The following GUCY1A2 variants were observed in gnomAD, a reference collection of about 807,000 sequenced individuals.
The protein encoded by GUCY1A2 is guanylate cyclase 1 soluble subunit alpha 2, also known as guanylate cyclase soluble subunit alpha-2.
In GUCY1A2, 27 loss-of-function variants were observed where a neutral mutation model predicts 63.5. The observed-to-expected ratio is 0.43, with a 90% CI of 0.31 to 0.59. The LOEUF is 0.59. Ranked by LOEUF, GUCY1A2 falls within the 20% of genes least tolerant of loss-of-function variation. The probability of loss-of-function intolerance (pLI) is 0.11; values close to 1 mark genes in which losing one functional copy is unlikely to be tolerated. For synonymous variants in GUCY1A2, 364 were observed against 343.5 expected, an observed-to-expected ratio of 1.06 and a Z score of -0.66; for missense variants, 768 against 913.3, an observed-to-expected ratio of 0.84 and a Z score of 2.05.
chr11:106,858,239 G>C (rs903573147), intron 4 of GUCY1A2, among the ~76,000 whole-genome samples: 8 of 152,150 alleles, frequency 5.3e-5, no homozygotes, highest in Non-Finnish European at 1.0e-4. Context: ...AATGTAGCTA[G>C]ATTGTTTACC....
At chr11:106,699,956 T>G (rs1357121263) in intron 7 of GUCY1A2, among the ~76,000 whole-genome samples, 1 of 152,084 alleles carries the variant, frequency 6.6e-6, no homozygotes. Flanking sequence ...TAATTTCTTT[T>G]GTATTTTTAG....
At chr11:106,717,246 AATG>A (rs1863232215) in intron 6 of GUCY1A2, among the ~76,000 whole-genome samples, 1 of 152,200 alleles carries the variant, frequency 6.6e-6, no homozygotes, top group African/African-American at 2.4e-5. Flanking sequence ...ATAAGATAAT[AATG>A]ATAATACCTT....
At chr11:106,753,025 T>C (rs139959241) in intron 6 of GUCY1A2, among the ~76,000 whole-genome samples, 9 of 152,280 alleles carry the variant, frequency 5.9e-5, no homozygotes, top group Non-Finnish European at 1.2e-4. Flanking sequence ...GCATCTGTTG[T>C]TTCCTGACTT....
chr11:106,964,948 G>A (rs1412846746), intron 3 of GUCY1A2, among the ~76,000 whole-genome samples: 2 of 152,076 alleles, frequency 1.3e-5, no homozygotes, highest in Non-Finnish European at 2.9e-5. Flanking sequence ...CCACTGCACT[G>A]TAGCCTGGGC....
intron 4 of GUCY1A2, among the ~76,000 whole-genome samples, chr11:106,886,419 A>T (rs890025147): frequency 6.6e-6 from 1 of 152,098 alleles, no homozygotes; most frequent in South Asian, 2.1e-4. Flanking sequence ...GACTGCCTAC[A>T]TATTTCTTTC....
chr11:106,978,494 A>G (rs2120117874), intron 3 of GUCY1A2, 125 bp downstream of exon 3: 1 of 575,438 alleles, frequency 1.7e-6, no homozygotes, highest in African/African-American at 1.9e-5. Context: ...ATCACTTCAC[A>G]AGGTCTGGGT....
chr11:106,733,024 C>G (rs1022981807), intron 6 of GUCY1A2, among the ~76,000 whole-genome samples: 1 of 152,130 alleles, frequency 6.6e-6, no homozygotes, highest in African/African-American at 2.4e-5. Flanking sequence ...CAACTGTAAT[C>G]TAAGATTATT....
intron 4 of GUCY1A2, among the ~76,000 whole-genome samples, chr11:106,844,477 A>C (rs1428926124): frequency 6.6e-6 from 1 of 151,792 alleles, no homozygotes; most frequent in African/African-American, 2.4e-5. Context: ...ATCAAAATTG[A>C]AACCTTACTC....
intron 4 of GUCY1A2, among the ~76,000 whole-genome samples, chr11:106,904,866 A>G (rs1487852900): frequency 6.6e-6 from 1 of 152,090 alleles, no homozygotes; most frequent in Non-Finnish European, 1.5e-5. Context: ...AAGTGTAATT[A>G]TCTTACTTTC....
chr11:106,831,802 T>G (rs1306495742), intron 4 of GUCY1A2, among the ~76,000 whole-genome samples: 3 of 152,164 alleles, frequency 2.0e-5, no homozygotes, highest in African/African-American at 7.2e-5. Flanking sequence ...TTCACGATTG[T>G]TTGTTATAGC....
intron 6 of GUCY1A2, among the ~76,000 whole-genome samples, chr11:106,751,857 T>C (rs1233525022): frequency 2.0e-5 from 3 of 152,198 alleles, no homozygotes; most frequent in Non-Finnish European, 2.9e-5. Context: ...AACAAACGTA[T>C]ATCAGGATAT....
At chr11:106,699,626 G>C (rs1862782204) in intron 7 of GUCY1A2, among the ~76,000 whole-genome samples, 1 of 152,098 alleles carries the variant, frequency 6.6e-6, no homozygotes, top group African/African-American at 2.4e-5. Context: ...CATGAGAAGA[G>C]AGAACCACCA....
At chr11:106,779,588 G>T (rs1005321777) in intron 5 of GUCY1A2, among the ~76,000 whole-genome samples, 9 of 151,944 alleles carry the variant, frequency 5.9e-5, no homozygotes, top group African/African-American at 2.2e-4. Flanking sequence ...CAAGTTCCTA[G>T]AGCACAATCA....
At chr11:106,979,227 G>A (rs561824764) in intron 2 of GUCY1A2, among the ~76,000 whole-genome samples, 3 of 152,178 alleles carry the variant, frequency 2.0e-5, no homozygotes, top group South Asian at 2.1e-4. Flanking sequence ...AGGCCCAGGC[G>A]GGCAGATCAC....
chr11:106,871,564 T>C (rs545370315), intron 4 of GUCY1A2, among the ~76,000 whole-genome samples: 27 of 152,292 alleles, frequency 1.8e-4, no homozygotes, highest in African/African-American at 5.8e-4. Flanking sequence ...TCTGTCTTTG[T>C]GTTTCTTCTC....
intron 3 of GUCY1A2, among the ~76,000 whole-genome samples, chr11:106,963,770 T>A (rs1861090125): frequency 6.6e-6 from 1 of 152,178 alleles, no homozygotes; most frequent in Admixed American, 6.5e-5. Context: ...CTCACTTATG[T>A]TTGTTATTTT....
At chr11:106,855,738 T>A (rs1368736823) in intron 4 of GUCY1A2, among the ~76,000 whole-genome samples, 1 of 152,100 alleles carries the variant, frequency 6.6e-6, no homozygotes, top group Non-Finnish European at 1.5e-5. Flanking sequence ...AACACTCAAT[T>A]TTATTACACT....
chr11:106,723,480 A>G (rs1386861919), intron 6 of GUCY1A2, among the ~76,000 whole-genome samples: 1 of 152,214 alleles, frequency 6.6e-6, no homozygotes, highest in Admixed American at 6.5e-5. Flanking sequence ...TCACTGTAAT[A>G]TTCCAAGCAC....
At chr11:106,897,128 T>C (rs190962307) in intron 4 of GUCY1A2, among the ~76,000 whole-genome samples, 145 of 152,214 alleles carry the variant, frequency 9.5e-4, no homozygotes, top group African/African-American at 3.2e-3. Context: ...AAAATACTTA[T>C]AGACCTAAAA....
Sources: allele counts gnomAD v4.1 joint callset (sites outside exome capture counted in the v4.1 genomes callset), GRCh38; gene constraint gnomAD v4.1.1; transcripts MANE v1.5; gene names NCBI Gene and HGNC (gene_info 2026-07-23, HGNC 2026-07-21).